The following VWDE variants were observed in gnomAD, a reference collection of about 807,000 sequenced individuals.
VWDE encodes the protein von Willebrand factor D and EGF domains, also known as von Willebrand factor D and EGF domain-containing protein.
In VWDE, 207 loss-of-function variants were observed where a neutral mutation model predicts 178.4. That is an observed-to-expected ratio of 1.16 (90% confidence interval 1.04 to 1.30). The LOEUF is 1.30. Among genes scored for constraint, VWDE ranks in the 50% most tolerant of loss-of-function variants. The pLI is 0.00. For synonymous variants in VWDE, 738 were observed against 651.4 expected (o/e 1.13, Z -2.02); for missense variants, 2,287 against 1,901.3 (o/e 1.20, Z -3.77).
chr7:12,346,035 T>C (rs558273435), intron 19 of VWDE, among the ~76,000 whole-genome samples: 2 of 152,176 alleles, frequency 1.3e-5, no homozygotes, highest in Non-Finnish European at 2.9e-5. Context: ...ATATTTTACA[T>C]TAAGTAATTC....
intron 19 of VWDE, among the ~76,000 whole-genome samples, chr7:12,347,627 T>C (rs1260452932): frequency 3.9e-5 from 6 of 152,110 alleles, no homozygotes; most frequent in Non-Finnish European, 7.4e-5. Context: ...TGATATTTAA[T>C]CGTGAAAATG....
At chr7:12,394,904 A>G (rs1263496027) in intron 1 of VWDE, among the ~76,000 whole-genome samples, 1 of 152,154 alleles carries the variant, frequency 6.6e-6, no homozygotes, top group African/African-American at 2.4e-5. Context: ...CAATTTCTCA[A>G]CTTTAATAAG....
At chr7:12,348,671 T>C (rs1781751220) in intron 19 of VWDE, among the ~76,000 whole-genome samples, 1 of 147,984 alleles carries the variant, frequency 6.8e-6, no homozygotes, top group Non-Finnish European at 1.5e-5. Flanking sequence ...AGTGTGGCGA[T>C]TCCTCAGGGA....
At position 12,356,152 on chromosome 7, in the gene VWDE, C is replaced by A. The variant is rs368327534; in HGVS notation, c.3704G>T (p.Gly1235Val). The change falls in exon 18 of 29, where the codon GGT becomes GTT. Residue 1235 changes from glycine to valine, a missense_variant. Physicochemically the swap from Gly to Val is moderately radical, Grantham distance 109 (BLOSUM62 -3). Coordinates refer to ENST00000275358, the MANE Select transcript of VWDE (RefSeq NM_001135924.3). ...NPCGLGSYIS[G>V]FHSYSCDCPP... The stretch of plus-strand genomic sequence containing the variant: ...ACAATCACAGGAATAACTGTGAAAA[C>A]CACTAATATAGCTGCCAAGACCACA... 484 of 1,551,492 alleles carry A rather than the reference C, an allele frequency of 3.1e-4. No individual in the cohort carries two copies. The highest frequency in any genetic ancestry group is 4.1e-4 in the Non-Finnish European group (465 of 1,146,988).
chr7:12,331,326 C>T (rs6954265), intron 28 of VWDE, 129 bp from the exon 29 acceptor site: 389,822 of 644,854 alleles, frequency 0.6, 119,988 homozygotes, highest in African/African-American at 0.89. Context: ...TGCCACTAGA[C>T]TCAATACTGT....
chr7:12,387,399 A>G (rs961222709), intron 3 of VWDE, among the ~76,000 whole-genome samples: 2 of 152,068 alleles, frequency 1.3e-5, no homozygotes, highest in African/African-American at 2.4e-5. Context: ...TGTAATTATT[A>G]TTTTTGCTGA....
rs1364240787 is a variant in VWDE at position 12,344,231 on chromosome 7, A to T, written c.4042T>A (p.Cys1348Ser). The change falls in exon 21 of 29, where the codon TGT becomes AGT. Residue 1348 changes from cysteine to serine, a missense_variant. Coordinates refer to ENST00000275358, the MANE Select transcript of VWDE (RefSeq NM_001135924.3). ...GTTGCTCCACCATGTCCTGGAAGAC[A>T]CTGACAAATGTTAGGCTTAATACAT... ...GKCIKPNICQ[C>S]LPGHGGATCD... 1.9e-6 allele frequency: 3 copies of T among 1,551,334 alleles called. No individual in the cohort carries two copies. In the East Asian group the frequency reaches 7.3e-5, roughly 38 times the overall value.
intron 1 of VWDE, among the ~76,000 whole-genome samples, chr7:12,400,863 T>A (rs1036597421): frequency 6.6e-5 from 10 of 152,174 alleles, no homozygotes; most frequent in African/African-American, 2.4e-4. Context: ...AGAAAAATTA[T>A]GACCAAGTGA....
At position 12,367,413 on chromosome 7, in the gene VWDE, A is replaced by G. The variant is rs1029433128; in HGVS notation, c.2842T>C (p.Phe948Leu). Residue 948 changes from phenylalanine to leucine, a missense_variant, in exon 13 of 29, where the codon TTT becomes CTT. Physicochemically the swap from Phe to Leu is conservative, Grantham distance 22. Transcript: ENST00000275358. ...QKYNCMMVRV[F>L]GKGFKELPSI... ...GGTAATTCTTTGAAGCCTTTGCCAA[A>G]AACTCTCACCATCATACAATTATAT... 5.2e-6 allele frequency: 8 copies of G among 1,547,412 alleles called. No homozygotes were observed. In the African/African-American group the frequency reaches 8.2e-5, roughly 16 times the overall value.
chr7:12,358,353 G>C (rs1274916431), intron 16 of VWDE, among the ~76,000 whole-genome samples: 2 of 135,194 alleles, frequency 1.5e-5, no homozygotes, highest in Non-Finnish European at 3.1e-5. Flanking sequence ...CAGCCTGGGA[G>C]ACAGAATGAG....
At chr7:12,393,022 C>A (rs1294142865) in intron 2 of VWDE, among the ~76,000 whole-genome samples, 2 of 152,110 alleles carry the variant, frequency 1.3e-5, no homozygotes, top group Non-Finnish European at 2.9e-5. Context: ...TGCAGGTACA[C>A]TGTCTTTCAA....
intron 17 of VWDE, among the ~76,000 whole-genome samples, 173 bp downstream of exon 17, chr7:12,357,092 G>A (rs897260821): frequency 3.9e-5 from 6 of 152,092 alleles, no homozygotes; most frequent in African/African-American, 7.2e-5. Flanking sequence ...CTCTCTCTAA[G>A]GTTTTAAATT....
chr7:12,358,990 A>T (rs1166808366), intron 16 of VWDE, among the ~76,000 whole-genome samples: 1 of 152,220 alleles, frequency 6.6e-6, no homozygotes, highest in African/African-American at 2.4e-5. Flanking sequence ...CTTAAATAAA[A>T]TTACATGGGG....
rs770700133 is a variant in VWDE at position 12,369,562 on chromosome 7, T to A, written c.2744A>T (p.Asp915Val). ...TTACTTACCATAGGAATCACTGCAG[T>A]CATAGGAACTAAAGCTTGGGGAACA... ...CACSPSFSSY[D>V]CSDSYDKAPE... The change falls in exon 12 of 29, where the codon GAC becomes GTC. Residue 915 changes from aspartate (D) to valine (V), a missense_variant. Physicochemically the swap from Asp to Val is radical, Grantham distance 152. Transcript: ENST00000275358. 19 of 1,536,458 alleles carry A rather than the reference T, an allele frequency of 1.2e-5. No homozygotes were observed. In the South Asian group the frequency reaches 1.9e-4, roughly 16 times the overall value.
At chr7:12,386,532 T>C (rs1477837875) in intron 3 of VWDE, among the ~76,000 whole-genome samples, 3 of 152,188 alleles carry the variant, frequency 2.0e-5, no homozygotes, top group South Asian at 2.1e-4. Flanking sequence ...CCCTCACTCA[T>C]TGAGATCTAA....
At chr7:12,351,228 T>C (rs1242862886) in intron 19 of VWDE, among the ~76,000 whole-genome samples, 2 of 152,142 alleles carry the variant, frequency 1.3e-5, no homozygotes, top group Non-Finnish European at 2.9e-5. Flanking sequence ...CCTTGTGAAA[T>C]AGTGAACTTC....
At chr7:12,361,668 TG>T in intron 13 of VWDE, 147 bp from the exon 14 acceptor site, 1 of 698,600 alleles carries the variant, frequency 1.4e-6, no homozygotes. Context: ...ACATTGGGAG[TG>T]AGTTTTATTC....
chr7:12,399,871 A>G (rs73288159), intron 1 of VWDE, among the ~76,000 whole-genome samples: 23,518 of 152,146 alleles, frequency 0.15, 2,130 homozygotes, highest in African/African-American at 0.25. Context: ...AAATTCATAT[A>G]AAGTATGTTC....
chr7:12,360,346 T>C (rs1201695869), intron 15 of VWDE, among the ~76,000 whole-genome samples: 1 of 152,004 alleles, frequency 6.6e-6, no homozygotes, highest in Non-Finnish European at 1.5e-5. Context: ...TAGAGCAAAA[T>C]AGCTCCAGGA....
Sources: gnomAD v4.1 joint callset for allele counts (sites outside exome capture counted in the v4.1 genomes callset) on GRCh38, gnomAD v4.1.1 for gene constraint, MANE v1.5 for transcripts, NCBI Gene and HGNC (gene_info 2026-07-23, HGNC 2026-07-21) for gene names.